PTPRM: variants seen among roughly 807,000 people sequenced by gnomAD.
PTPRM encodes protein tyrosine phosphatase receptor type M, also known as receptor-type tyrosine-protein phosphatase mu.
In PTPRM, 47 loss-of-function variants were observed where a neutral mutation model predicts 186.7. The ratio of observed to expected loss-of-function variants is 0.25; its 90% CI spans 0.20 to 0.32. PTPRM has a LOEUF of 0.32. PTPRM is among the 10% of genes least tolerant of loss of function. PTPRM has a pLI of 1.00. For synonymous variants in PTPRM, 668 were observed against 674.9 expected (o/e 0.99, Z 0.16); for missense variants, 1,494 against 1,865.0 (o/e 0.80, Z 3.66).
chr18:8,304,881 A>G (rs548416131), intron 20 of PTPRM, among the ~76,000 whole-genome samples: 1 of 146,806 alleles, frequency 6.8e-6, no homozygotes, highest in African/African-American at 2.5e-5. Context: ...TTCTCTTTCT[A>G]ATTACAAAGA....
chr18:7,736,354 C>T (rs538512932), intron 1 of PTPRM, among the ~76,000 whole-genome samples: 3 of 152,112 alleles, frequency 2.0e-5, no homozygotes, highest in Non-Finnish European at 4.4e-5. Context: ...GAGTCTTGCT[C>T]TGTCACCCAG....
rs182787286 is a variant in PTPRM at position 8,304,384 on chromosome 18, C to T, written c.2842+7929C>T. ...TATGTACACGGGGGGAAAACCTCAGCGGATTATAATTCTTCAACGCTAAGC... is the reference window on the plus strand; with the variant it reads ...TATGTACACGGGGGGAAAACCTCAGTGGATTATAATTCTTCAACGCTAAGC... On this transcript the variant is annotated intron_variant, in intron 20 of 32. Transcript: ENST00000580170. Among the ~76,000 whole-genome samples, 25 of 152,222 alleles carry T rather than the reference C, an allele frequency of 1.6e-4. No individual in the cohort carries two copies. The East Asian group carries it at 3.3e-3, about 20-fold the overall frequency.
intron 14 of PTPRM, among the ~76,000 whole-genome samples, chr18:8,152,096 T>G (rs1428718577): frequency 6.6e-6 from 1 of 152,168 alleles, no homozygotes; most frequent in Non-Finnish European, 1.5e-5. Context: ...GAGCTGTTCC[T>G]ATTCAGCCAT....
chr18:8,012,550 G>A (rs1173071777), intron 7 of PTPRM, among the ~76,000 whole-genome samples: 2 of 152,172 alleles, frequency 1.3e-5, no homozygotes, highest in East Asian at 3.9e-4. Flanking sequence ...ATGCACCCAG[G>A]CTATGTGGTG....
intron 1 of PTPRM, among the ~76,000 whole-genome samples, chr18:7,710,688 T>C (rs1031272054): frequency 6.6e-6 from 1 of 152,176 alleles, no homozygotes; most frequent in Non-Finnish European, 1.5e-5. Context: ...ATAAACAAAT[T>C]CAGTAAAATT....
chr18:8,378,216 CCTT>C (rs1239831662), intron 26 of PTPRM, 46 bp from the exon 27 acceptor site: 1 of 1,534,142 alleles, frequency 6.5e-7, no homozygotes, highest in Admixed American at 1.7e-5. Flanking sequence ...CGTCTTTCCT[CCTT>C]CTCTGGTTCT....
intron 28 of PTPRM, 134 bp from the exon 29 acceptor site, chr18:8,380,162 T>C (rs960185111): frequency 2.3e-6 from 2 of 862,472 alleles, no homozygotes; most frequent in Middle Eastern, 2.9e-4. Flanking sequence ...GTGCTGACAA[T>C]GGTGACAGAA....
intron 22 of PTPRM, among the ~76,000 whole-genome samples, chr18:8,325,045 C>G (rs2095367390): frequency 6.6e-6 from 1 of 152,234 alleles, no homozygotes; most frequent in African/African-American, 2.4e-5. Context: ...TGTCTGAACT[C>G]AACCCCCAAC....
chr18:8,363,905 C>T (rs1284809453), intron 23 of PTPRM, among the ~76,000 whole-genome samples: 2 of 152,124 alleles, frequency 1.3e-5, no homozygotes, highest in Admixed American at 6.5e-5. Flanking sequence ...GGTACAGATG[C>T]GGCCTTGTGC....
chr18:8,376,983 T>G, intron 26 of PTPRM: 1 of 171,888 alleles, frequency 5.8e-6, no homozygotes, highest in Non-Finnish European at 1.3e-5. Flanking sequence ...TCTGTGCACT[T>G]TGTTCTTCTC....
intron 22 of PTPRM, among the ~76,000 whole-genome samples, chr18:8,342,323 A>G (rs1372063273): frequency 6.6e-6 from 1 of 152,226 alleles, no homozygotes; most frequent in African/African-American, 2.4e-5. Context: ...CATTAATTCC[A>G]AGAATCCTCA....
At chr18:7,830,605 T>C (rs1018191998) in intron 2 of PTPRM, among the ~76,000 whole-genome samples, 6 of 152,148 alleles carry the variant, frequency 3.9e-5, no homozygotes, top group African/African-American at 1.4e-4. Flanking sequence ...TATGTAGAGA[T>C]TGAGTTCATC....
At position 8,154,992 on chromosome 18, in the gene PTPRM, T is replaced by C. The variant is rs534292539; in HGVS notation, c.2300+11213T>C. ...ACAAATTATGTGTTCCTTTAAAGAT[T>C]TGACATTTTGATGCAGCAAATGTTA... On this transcript the variant is annotated intron_variant, in intron 14 of 32. Transcript: ENST00000580170. 13 of 152,318 alleles carry C rather than the reference T, an allele frequency of 8.5e-5. No individual in the cohort carries two copies. The South Asian group carries it at 2.5e-3, about 29-fold the overall frequency. 9.4% of individuals were successfully genotyped at this position (152,318 alleles called of 1,614,324 possible).
At chr18:7,747,141 AG>A (rs751846986) in intron 1 of PTPRM, among the ~76,000 whole-genome samples, 3 of 152,198 alleles carry the variant, frequency 2.0e-5, no homozygotes, top group Non-Finnish European at 2.9e-5. Flanking sequence ...GAACAAGCAT[AG>A]GATCTTTTTA....
intron 1 of PTPRM, among the ~76,000 whole-genome samples, chr18:7,619,011 G>A (rs927008253): frequency 1.3e-5 from 2 of 152,102 alleles, no homozygotes; most frequent in South Asian, 2.1e-4. Context: ...CCGGGCTCTC[G>A]GAGGATTTAC....
At position 7,776,194 on chromosome 18, in the gene PTPRM, A is replaced by G. The variant is rs577347866; in HGVS notation, c.196+1923A>G. On this transcript the variant is annotated intron_variant, in intron 2 of 32. Transcript: ENST00000580170. ...ATTAATAGAATACTTGATAATTAAT[A>G]TTAGGCCTTTGTAGCATAAGATCTG... 4.9e-4 allele frequency among the ~76,000 whole-genome samples: 74 copies of G among 152,360 alleles called. 1 individual carries two copies. The South Asian group carries it at 7.0e-3, about 14-fold the overall frequency.
intron 11 of PTPRM, among the ~76,000 whole-genome samples, chr18:8,094,492 G>A (rs947916769): frequency 5.3e-5 from 8 of 152,100 alleles, no homozygotes; most frequent in African/African-American, 1.9e-4. Flanking sequence ...CAGCACTTTG[G>A]GAGGCCAAGG....
At chr18:7,676,790 G>A (rs1185927858) in intron 1 of PTPRM, among the ~76,000 whole-genome samples, 1 of 152,124 alleles carries the variant, frequency 6.6e-6, no homozygotes, top group African/African-American at 2.4e-5. Flanking sequence ...ATTTGAATGT[G>A]CCAGATTATT....
At chr18:8,047,414 G>T (rs564282873) in intron 7 of PTPRM, among the ~76,000 whole-genome samples, 43 of 152,246 alleles carry the variant, frequency 2.8e-4, no homozygotes, top group African/African-American at 8.4e-4. Context: ...CTTATTTTGT[G>T]ACAGTTACAT....
Sources: allele counts gnomAD v4.1 joint callset (sites outside exome capture counted in the v4.1 genomes callset), GRCh38; gene constraint gnomAD v4.1.1; transcripts MANE v1.5; gene names NCBI Gene and HGNC (gene_info 2026-07-23, HGNC 2026-07-21).